The following CHD4 variants were observed in gnomAD, a reference collection of about 807,000 sequenced individuals.
CHD4 encodes the protein ATP-dependent chromatin remodeler CHD4.
Under a neutral mutation model 235.5 loss-of-function variants are expected in CHD4, and 35 were observed. The ratio of observed to expected loss-of-function variants is 0.15; its 90% CI spans 0.11 to 0.20. CHD4 has a LOEUF of 0.20. Among genes scored for constraint, CHD4 ranks in the 10% least tolerant of loss-of-function variants. CHD4 has a pLI of 1.00. For missense variants in CHD4, 1,329 were observed against 2,432.3 expected (o/e 0.55, Z 9.54); for synonymous variants, 900 against 850.2 (o/e 1.06, Z -1.02).
chr12:6,595,287 T>C (rs777249542), intron 14 of CHD4, 47 bp downstream of exon 14: 20 of 1,464,652 alleles, frequency 1.4e-5, no homozygotes, highest in Non-Finnish European at 1.7e-5. Flanking sequence ...GCAGCAAAGA[T>C]ACATTGTCCT....
rs973102722 is a variant in CHD4 at position 6,594,716 on chromosome 12, T to C, written c.2122-66A>G. On this transcript the variant is annotated intron_variant, in intron 14 of 39. Transcript: ENST00000544040. The stretch of plus-strand genomic sequence containing the variant: ...TCCCCTCCTCCCCTAATAGAGCAGC[T>C]GCTTCCTCCTCACTAGTCTTCACGG... The C allele has an allele frequency of 2.1e-6, 3 of 1,437,166 alleles. No homozygotes were observed. In the African/African-American group the frequency reaches 4.2e-5, roughly 20 times the overall value. 89.0% of individuals were successfully genotyped at this position (1,437,166 alleles called of 1,614,324 possible). A position where few individuals can be genotyped will look rare whatever the true frequency, so the allele number is the denominator to read the frequency against.
At chr12:6,595,687 C>A (rs1212820286) in intron 13 of CHD4, among the ~76,000 whole-genome samples, 7 of 151,250 alleles carry the variant, frequency 4.6e-5, no homozygotes, top group African/African-American at 1.5e-4. Flanking sequence ...ACTCGGGAGA[C>A]TGAGGCAGGA....
At chr12:6,575,754 T>G (rs1398527970) in intron 37 of CHD4, among the ~76,000 whole-genome samples, 1 of 152,206 alleles carries the variant, frequency 6.6e-6, no homozygotes, top group Non-Finnish European at 1.5e-5. Flanking sequence ...CTCTCTTATC[T>G]GGTGCCAAGA....
intron 25 of CHD4, among the ~76,000 whole-genome samples, chr12:6,585,946 A>C (rs1368648328): frequency 6.6e-6 from 1 of 151,888 alleles, no homozygotes; most frequent in African/African-American, 2.4e-5. Context: ...AAAACTATAA[A>C]AAAATTAGCC....
At chr12:6,605,439 C>T (rs1304186596) in intron 2 of CHD4, among the ~76,000 whole-genome samples, 1 of 152,162 alleles carries the variant, frequency 6.6e-6, no homozygotes, top group Non-Finnish European at 1.5e-5. Flanking sequence ...CCCAATCAGA[C>T]AGGGTGGTTA....
rs1368699016 is a variant in CHD4 at position 6,601,550 on chromosome 12, G to C, written c.558-20C>G. 8.1e-6 allele frequency: 13 copies of C among 1,613,926 alleles called. No individual in the cohort carries two copies. Among genetic ancestry groups the C allele is most frequent in the Middle Eastern group, 1.6e-4 (1 of 6,082 alleles). The stretch of plus-strand genomic sequence containing the variant: ...AGGGGTCTGGTGGAGAAATGCACAA[G>C]AGCAGAGGGAAAGGTTTAAGAATAA... On this transcript the variant is annotated intron_variant, in intron 5 of 39. Coordinates refer to ENST00000544040, the MANE Select transcript of CHD4 (RefSeq NM_001273.5).
chr12:6,590,326 A>C (rs1479743277), intron 22 of CHD4: 1 of 152,170 alleles, frequency 6.6e-6, no homozygotes, highest in Non-Finnish European at 1.5e-5. Flanking sequence ...ATCAAGAAAA[A>C]TTGGTGACAT....
rs1224226364 is a variant in CHD4, at chr12:6,570,984, G to C, written c.5606C>G (p.Thr1869Ser). 6.2e-7 allele frequency: 1 copy of C among 1,614,164 alleles called. No homozygotes were observed. Among genetic ancestry groups the C allele is most frequent in the East Asian group, 2.2e-5 (1 of 44,890 alleles). Residue 1869 changes from threonine (T) to serine (S), a missense_variant, in exon 39 of 40, where the codon ACT becomes AGT. Around this residue, in one of 26 missense-constraint regions of CHD4, gnomAD observed 135 missense variants for 282.3 expected, o/e 0.48. Transcript: ENST00000544040. ...TCGGGCAATGGTAGCTGGGAGTCGA[G>C]TCACATCAGCTTTCATGTCACTCAG... Reference protein sequence around the residue: ...ELLSDMKADVTRLPATIARIP... With the variant: ...ELLSDMKADVSRLPATIARIP...
chr12:6,570,864 C>T lies in CHD4; in HGVS notation c.5721+5G>A. The T allele has an allele frequency of 6.2e-7, 1 of 1,613,994 alleles. No homozygotes were observed. Among genetic ancestry groups the T allele is most frequent in the East Asian group, 2.2e-5 (1 of 44,880 alleles). On this transcript the variant is annotated splice_donor_5th_base_variant and intron_variant, in intron 39 of 39. Coordinates refer to ENST00000544040, the MANE Select transcript of CHD4 (RefSeq NM_001273.5). ...GAGGTGGTGTCAAGAAGAAAATGGT[C>T]CTACCTGCTGTGGGGTAGGTTCGGG...
At chr12:6,578,258 C>T (rs562932001) in intron 35 of CHD4, 121 bp from the exon 36 acceptor site, 3 of 1,351,942 alleles carry the variant, frequency 2.2e-6, no homozygotes, top group Admixed American at 3.6e-5. Flanking sequence ...ATATAATTTG[C>T]TTCTGGCTTT....
chr12:6,602,666 C>T (rs1007304547), intron 2 of CHD4, among the ~76,000 whole-genome samples, 169 bp from the exon 3 acceptor site: 5 of 152,132 alleles, frequency 3.3e-5, no homozygotes, highest in African/African-American at 1.2e-4. Context: ...CAAAAACAGA[C>T]AAAGAGAGAG....
chr12:6,604,048 C>T (rs1467884641), intron 2 of CHD4, among the ~76,000 whole-genome samples: 2 of 152,084 alleles, frequency 1.3e-5, no homozygotes, highest in Non-Finnish European at 1.5e-5. Flanking sequence ...GAGGCTGAGG[C>T]GGGCAGATCA....
intron 2 of CHD4, among the ~76,000 whole-genome samples, chr12:6,605,778 G>C (rs1451072642): frequency 6.6e-6 from 1 of 152,186 alleles, no homozygotes; most frequent in Non-Finnish European, 1.5e-5. Flanking sequence ...AGTTCAGACA[G>C]CACAGAAAAC....
intron 8 of CHD4, 59 bp from the exon 9 acceptor site, chr12:6,600,454 C>T (rs948190690): frequency 3.1e-5 from 49 of 1,600,080 alleles, no homozygotes; most frequent in Non-Finnish European, 3.6e-5. Flanking sequence ...CCCCACCCCC[C>T]GACCCCTATC....
At chr12:6,601,860 G>C (rs184201825) in intron 4 of CHD4, 94 bp from the exon 5 acceptor site, 1 of 1,562,682 alleles carries the variant, frequency 6.4e-7, no homozygotes, top group Non-Finnish European at 8.8e-7. Flanking sequence ...ACAGAGTTAA[G>C]AGGAAAAGAA....
At chr12:6,575,957 C>T (rs11064259) in intron 37 of CHD4, among the ~76,000 whole-genome samples, 8,572 of 152,204 alleles carry the variant, frequency 0.056, 820 homozygotes, top group African/African-American at 0.19. Flanking sequence ...CCAAAAAAAT[C>T]TCCGTCGCAT....
At chr12:6,584,054 G>A (rs1315401175) in intron 25 of CHD4, 2 of 152,088 alleles carry the variant, frequency 1.3e-5, no homozygotes, top group African/African-American at 2.4e-5. Flanking sequence ...CTGTATCCAC[G>A]GGTTCCGCAC....
intron 21 of CHD4, 49 bp from the exon 22 acceptor site, chr12:6,591,632 T>C: frequency 6.2e-7 from 1 of 1,613,136 alleles, no homozygotes; most frequent in Non-Finnish European, 8.5e-7. Flanking sequence ...TGGTAATCCC[T>C]TTCCTTAGGT....
intron 25 of CHD4, chr12:6,583,798 T>C (rs1354206775): frequency 1.9e-5 from 3 of 157,686 alleles, no homozygotes; most frequent in African/African-American, 7.2e-5. Flanking sequence ...TATAAGCCTT[T>C]CTATTCTTCA....
Sources: gnomAD v4.1 joint callset for allele counts (sites outside exome capture counted in the v4.1 genomes callset) on GRCh38, gnomAD v4.1.1 for gene constraint, gnomAD v4.1.1 regional missense constraint, MANE v1.5 for transcripts, NCBI Gene and HGNC (gene_info 2026-07-23, HGNC 2026-07-21) for gene names.